The following TASOR2 variants were observed in gnomAD, a reference collection of about 807,000 sequenced individuals.
The protein encoded by TASOR2 is protein TASOR 2.
TASOR2 carries 84 observed loss-of-function variants against 199.5 expected under a neutral mutation model. The ratio of observed to expected loss-of-function variants is 0.42; its 90% confidence interval spans 0.35 to 0.50. TASOR2 has a LOEUF of 0.50. Among genes scored for constraint, TASOR2 ranks in the 20% least tolerant of loss-of-function variants. The probability of loss-of-function intolerance (pLI) is 0.02; values close to 1 mark genes in which losing one functional copy is unlikely to be tolerated. For missense variants in TASOR2, 2,796 were observed against 2,835.9 expected, an observed-to-expected ratio of 0.99 and a Z score of 0.32; for synonymous variants, 1,103 against 1,046.6, an observed-to-expected ratio of 1.05 and a Z score of -1.04.
At chr10:5,757,474 T>G (rs1839130624) in intron 16 of TASOR2, 46 bp from the exon 18 acceptor site, 3 of 1,549,328 alleles carry the variant, frequency 1.9e-6, no homozygotes, top group Non-Finnish European at 1.7e-6. Flanking sequence ...TAAGAAAATG[T>G]GCCCAGTGAG....
intron 1 of TASOR2, among the ~76,000 whole-genome samples, chr10:5,709,040 A>G (rs1831580010): frequency 6.6e-6 from 1 of 152,122 alleles, no homozygotes; most frequent in Non-Finnish European, 1.5e-5. Context: ...GTTTCCCTGT[A>G]ATAGAGACTG....
chr10:5,697,745 C>T (rs1837332549), intron 1 of TASOR2, among the ~76,000 whole-genome samples: 1 of 152,104 alleles, frequency 6.6e-6, no homozygotes, highest in African/African-American at 2.4e-5. Context: ...AGAAACATGA[C>T]AAGTGCCCTA....
chr10:5,716,770 C>G (rs140018603), intron 2 of TASOR2, among the ~76,000 whole-genome samples: 3,707 of 151,948 alleles, frequency 0.024, 59 homozygotes, highest in South Asian at 0.037. Context: ...CAAAAATTAG[C>G]CAGGCATGGT....
exon 15 of TASOR2, chr10:5,749,785 A>G (rs745623239): frequency 1.2e-6 from 2 of 1,614,180 alleles, no homozygotes; most frequent in South Asian, 2.2e-5. Context: ...CAACAAGGTG[A>G]TGAAGAATAG....
chr10:5,741,986 A>G (rs1836495455), intron 13 of TASOR2, 111 bp from the exon 15 acceptor site: 2 of 998,910 alleles, frequency 2.0e-6, no homozygotes, highest in African/African-American at 1.7e-5. Flanking sequence ...TGTAAATTTT[A>G]AAAATAAAAA....
At position 5,689,942 on chromosome 10, in the gene TASOR2, C is replaced by A. The variant is rs1836239807; in HGVS notation, c.-288+4767C>A. On this transcript the variant is annotated intron_variant, in intron 1 of 20. Coordinates refer to ENST00000328090, the Ensembl canonical transcript of TASOR2. The surrounding 1 kb of genome is among the most constrained non-coding windows in gnomAD (Gnocchi z 4.1). Reference sequence around the variant, plus strand: ...GGGTAGAGTTTTTGACTACTCTTTTCATTTTCTTCATCATTATTGGTTTAT... The same window carrying A: ...GGGTAGAGTTTTTGACTACTCTTTTAATTTTCTTCATCATTATTGGTTTAT... Among the ~76,000 whole-genome samples, 1 of 152,198 alleles carries A rather than the reference C, an allele frequency of 6.6e-6. No individual in the cohort carries two copies. The highest frequency in any genetic ancestry group is 1.5e-5 in the Non-Finnish European group (1 of 67,992).
intron 2 of TASOR2, 44 bp from the exon 4 acceptor site, chr10:5,717,615 T>C (rs1172121980): frequency 8.4e-6 from 7 of 836,274 alleles, no homozygotes; most frequent in Non-Finnish European, 9.6e-6. Flanking sequence ...TTCTCCTGTC[T>C]GATGGGCAAT....
Position 5,703,634 on chromosome 10 carries a change from T to G in TASOR2, c.-287-9189T>G, listed in dbSNP as rs1000416459. On this transcript the variant is annotated intron_variant, in intron 1 of 20. Transcript: ENST00000328090. ...TTCTCCTGCCTCAGCCTCCCGAGTA[T>G]CTGGGACTACAGGCGCCCGCCACCA... 2.1e-3 allele frequency among the ~76,000 whole-genome samples: 312 copies of G among 150,040 alleles called. 1 individual carries two copies. Among genetic ancestry groups the G allele is most frequent in the African/African-American group, 7.3e-3 (297 of 40,952 alleles).
At chr10:5,732,400 A>G (rs1035613556) in intron 11 of TASOR2, among the ~76,000 whole-genome samples, 3 of 152,252 alleles carry the variant, frequency 2.0e-5, no homozygotes, top group Non-Finnish European at 2.9e-5. Flanking sequence ...CAAAGCTGAA[A>G]GTATGTACTC....
intron 15 of TASOR2, among the ~76,000 whole-genome samples, chr10:5,756,284 G>A (rs939374553): frequency 6.6e-6 from 1 of 152,152 alleles, no homozygotes; most frequent in Non-Finnish European, 1.5e-5. Context: ...TTAACTACAG[G>A]TAGCATTTTT....
chr10:5,720,818 A>G lies in TASOR2; in HGVS notation c.46+44A>G, dbSNP rs1279693766. ...ATTCTTTTAGGTTTTTTTTTTCTTGAGTAAATGTTTCATCATAAATAATCA... is the reference window on the plus strand; with the variant it reads ...ATTCTTTTAGGTTTTTTTTTTCTTGGGTAAATGTTTCATCATAAATAATCA... On this transcript the variant is annotated intron_variant, in intron 5 of 20. Transcript: ENST00000328090. This position sits in a 1 kb window ranked among gnomAD's most constrained non-coding sequence, Gnocchi z 5.3. The G allele has an allele frequency of 1.3e-6, 2 of 1,595,684 alleles. No individual in the cohort carries two copies. Among genetic ancestry groups the G allele is most frequent in the Admixed American group, 1.8e-5 (1 of 55,944 alleles).
rs369547597 is a variant in TASOR2 at position 5,739,593 on chromosome 10, CT to C, written c.1448-15del. 7.1e-4 allele frequency: 997 copies of C among 1,412,566 alleles called. 3 individuals are homozygous for C. Among genetic ancestry groups the C allele is most frequent in the South Asian group, 2.7e-3 (204 of 75,510 alleles). 87.5% of individuals were successfully genotyped at this position (1,412,566 alleles called of 1,614,324 possible). A position where few individuals can be genotyped will look rare whatever the true frequency, so the allele number is the denominator to read the frequency against. ...AATTCTATGACAAGCAAACATCTCT[CT>C]TTTTTTTTTCTTTTATACTGAAGTC... is the stretch of plus-strand genomic sequence containing the variant. On this transcript the variant is annotated intron_variant, in intron 12 of 20. Transcript: ENST00000328090.
chr10:5,760,272 T>C (rs183646154), intron 18 of TASOR2, among the ~76,000 whole-genome samples: 10 of 152,336 alleles, frequency 6.6e-5, no homozygotes, highest in African/African-American at 2.4e-4. Context: ...GGACCACCAT[T>C]GTATATGTGG....
chr10:5,686,991 G>A (rs2131477316), intron 1 of TASOR2, among the ~76,000 whole-genome samples: 1 of 152,226 alleles, frequency 6.6e-6, no homozygotes, highest in South Asian at 2.1e-4. Flanking sequence ...TTGGGATATT[G>A]TTTGTGATGG....
chr10:5,757,683 T>C lies in TASOR2; in HGVS notation c.6886+10T>C. 3 of 1,611,460 alleles carry C rather than the reference T, an allele frequency of 1.9e-6. No individual in the cohort carries two copies. The South Asian group carries it at 3.3e-5, about 18-fold the overall frequency. ...GAAGCTGTAACATTAGGTTGGTCTT[T>C]ATTTTCTTTTCCTGTTTCTTTGAAG... is the stretch of plus-strand genomic sequence containing the variant. On this transcript the variant is annotated intron_variant, in intron 17 of 20. Coordinates refer to ENST00000328090, the Ensembl canonical transcript of TASOR2.
exon 21 of TASOR2, chr10:5,763,451 T>C (rs1284531489): frequency 6.3e-6 from 1 of 157,768 alleles, no homozygotes; most frequent in Non-Finnish European, 1.4e-5. Flanking sequence ...AAAACTATAA[T>C]CTTAAATGGT....
rs754673271 is a variant in TASOR2 at position 5,742,430 on chromosome 10, A to C, written c.2661A>C (p.Glu887Asp). 5.6e-6 allele frequency: 9 copies of C among 1,613,886 alleles called. No homozygotes were observed. Among genetic ancestry groups the C allele is most frequent in the Middle Eastern group, 3.3e-4 (2 of 6,082 alleles). ...AAACACCACTTACCCAAGGCTTGGA[A>C]CTCTGTGTACAAAATGAACAGAAAA... is the stretch of plus-strand genomic sequence containing the variant. The change falls in exon 14 of 21, where the codon GAA (glutamate) becomes GAC (aspartate). Residue 887 changes from glutamate (E) to aspartate (D), a missense_variant. Around this residue, in one of 3 missense-constraint regions of TASOR2, gnomAD observed 1,941 missense variants for 1,924.9 expected, o/e 1.01. Coordinates refer to ENST00000328090, the Ensembl canonical transcript of TASOR2. This position sits in a 1 kb window ranked among gnomAD's most constrained non-coding sequence, Gnocchi z 4.2.
rs1158249018 is a variant in TASOR2, at chr10:5,730,598, T to C, written c.599T>C (p.Ile200Thr). Residue 200 changes from isoleucine to threonine, a missense_variant, in exon 11 of 21, where the codon ATC becomes ACC. By Grantham distance (89) the Ile-to-Thr change is moderately conservative. Transcript: ENST00000328090. This position sits in a 1 kb window ranked among gnomAD's most constrained non-coding sequence, Gnocchi z 4.1. ...AAGAAATCACTTCCTGAAGAAAGAA[T>C]CCATCCAAACACATTAGTAAAGCGT... The C allele has an allele frequency of 6.2e-7, 1 of 1,614,180 alleles. No homozygotes were observed. Among genetic ancestry groups the C allele is most frequent in the East Asian group, 2.2e-5 (1 of 44,888 alleles).
Position 5,754,809 on chromosome 10 carries a change from C to T in TASOR2, c.6607-1804C>T, listed in dbSNP as rs547934767. Among the ~76,000 whole-genome samples the T allele has an allele frequency of 1.9e-4, 29 of 151,916 alleles. No homozygotes were observed. The highest frequency in any genetic ancestry group is 4.1e-4 in the African/African-American group (17 of 41,478). On this transcript the variant is annotated intron_variant, in intron 15 of 20. Coordinates refer to ENST00000328090, the Ensembl canonical transcript of TASOR2. The surrounding 1 kb of genome is among the most constrained non-coding windows in gnomAD (Gnocchi z 4.3). Reference sequence around the variant, plus strand: ...CTGTAATCCCAGCACTTTGGGAGGCCGAGGTGGGCGGATCACAAGGTCAGG... The same window carrying T: ...CTGTAATCCCAGCACTTTGGGAGGCTGAGGTGGGCGGATCACAAGGTCAGG...
Sources: gnomAD v4.1 joint callset for allele counts (sites outside exome capture counted in the v4.1 genomes callset) on GRCh38, gnomAD v4.1.1 for gene constraint, gnomAD v4.1.1 regional missense constraint, Gnocchi (gnomAD v3.1) non-coding constraint, MANE v1.5 for transcripts, NCBI Gene and HGNC (gene_info 2026-07-23, HGNC 2026-07-21) for gene names.